SLC4A7: variants seen among roughly 807,000 people sequenced by gnomAD.
The protein encoded by SLC4A7 is sodium bicarbonate cotransporter 3.
A neutral mutation model predicts 137.6 loss-of-function variants in SLC4A7; 51 were observed. The observed-to-expected ratio is 0.37, with a 90% CI of 0.30 to 0.47. The LOEUF is 0.47. SLC4A7 is among the 20% of genes least tolerant of loss of function. The probability of loss-of-function intolerance (pLI) is 1.00; values close to 1 mark genes in which losing one functional copy is unlikely to be tolerated. For missense variants in SLC4A7, 1,247 were observed against 1,525.4 expected (o/e 0.82, Z 3.04); for synonymous variants, 542 against 518.6 (o/e 1.05, Z -0.61).
At chr3:27,451,973 G>A (rs1475585204) in intron 2 of SLC4A7, among the ~76,000 whole-genome samples, 1 of 152,042 alleles carries the variant, frequency 6.6e-6, no homozygotes, top group Non-Finnish European at 1.5e-5. Context: ...GAAGAAAGAT[G>A]GGCAAATAAC....
intron 11 of SLC4A7, among the ~76,000 whole-genome samples, chr3:27,413,464 A>C (rs148913240): frequency 7.8e-4 from 119 of 152,326 alleles, no homozygotes; most frequent in African/African-American, 2.7e-3. Flanking sequence ...ATGGCACAAA[A>C]ATCTATAAAC....
intron 22 of SLC4A7, among the ~76,000 whole-genome samples, chr3:27,387,206 G>C (rs2051056214): frequency 6.6e-6 from 1 of 152,134 alleles, no homozygotes; most frequent in Non-Finnish European, 1.5e-5. Context: ...CTCAATCCTA[G>C]CCAGGAATCC....
chr3:27,433,105 A>G (rs2056452556), intron 6 of SLC4A7: 1 of 152,162 alleles, frequency 6.6e-6, no homozygotes, highest in Admixed American at 6.5e-5. Flanking sequence ...TAGAACACTT[A>G]AAAGTCATAC....
intron 7 of SLC4A7, among the ~76,000 whole-genome samples, chr3:27,427,543 T>G (rs1340902986): frequency 3.9e-5 from 6 of 152,132 alleles, no homozygotes; most frequent in Non-Finnish European, 8.8e-5. Context: ...ATACCACTTT[T>G]TTATTATAGG....
At chr3:27,397,131 C>G (rs1206403303) in intron 18 of SLC4A7, among the ~76,000 whole-genome samples, 1 of 152,104 alleles carries the variant, frequency 6.6e-6, no homozygotes, top group Non-Finnish European at 1.5e-5. Context: ...TGGGTTCAAG[C>G]GATTCTCCTG....
intron 25 of SLC4A7, 120 bp downstream of exon 25, chr3:27,379,120 CATAATTATT>C: frequency 1.7e-6 from 1 of 576,930 alleles, no homozygotes; most frequent in East Asian, 2.9e-5. Flanking sequence ...AAGACAAAAA[CATAATTATT>C]ATTTATACCT....
chr3:27,397,426 C>T (rs1473457367), intron 18 of SLC4A7, among the ~76,000 whole-genome samples: 1 of 151,358 alleles, frequency 6.6e-6, no homozygotes, highest in Non-Finnish European at 1.5e-5. Flanking sequence ...TGGCTCCCTA[C>T]ATCTTACCAC....
At chr3:27,468,603 G>A (rs1489416344) in intron 1 of SLC4A7, among the ~76,000 whole-genome samples, 1 of 151,852 alleles carries the variant, frequency 6.6e-6, no homozygotes, top group African/African-American at 2.4e-5. Context: ...TAATAATATA[G>A]GTTCTAGATC....
At chr3:27,460,448 A>C (rs919424928) in intron 1 of SLC4A7, among the ~76,000 whole-genome samples, 2 of 152,242 alleles carry the variant, frequency 1.3e-5, no homozygotes, top group African/African-American at 4.8e-5. Flanking sequence ...CATATTAAAA[A>C]GCATCTGAAG....
Position 27,409,484 on chromosome 3 carries a change from A to G in SLC4A7, c.1813T>C (p.Phe605Leu). ...ILDIKRKAPF[F>L]LSDFKDALSL... is the part of the protein sequence containing the mutation. ...AATGCATCCTTGAAGTCACTCAAGA[A>G]AAAAGGTGCTTTCCTTTTGATGTCA... is the stretch of plus-strand genomic sequence containing the variant. Residue 605 changes from phenylalanine (F) to leucine (L), a missense_variant, in exon 13 of 26, where the codon TTC (phenylalanine) becomes CTC (leucine). Around this residue, in one of 6 missense-constraint regions of SLC4A7, gnomAD observed 499 missense variants for 664.2 expected, o/e 0.75. Coordinates refer to ENST00000454389, the MANE Select transcript of SLC4A7 (RefSeq NM_001321103.2). 2 of 1,613,668 alleles carry G rather than the reference A, an allele frequency of 1.2e-6. No individual in the cohort carries two copies. The highest frequency in any genetic ancestry group is 1.7e-6 in the Non-Finnish European group (2 of 1,179,808).
chr3:27,388,775 A>G (rs2051232538), intron 22 of SLC4A7, among the ~76,000 whole-genome samples: 1 of 152,158 alleles, frequency 6.6e-6, no homozygotes, highest in Non-Finnish European at 1.5e-5. Context: ...AATAAAAAAT[A>G]ATTCCATTCT....
In SLC4A7 at chr3:27,478,390, C is replaced by T. The variant is rs572541993; in HGVS notation, c.60+5677G>A. ...AAAATTAGCCGGGCGTGGTGGCGTG[C>T]GCCTGTAATTCCATCTACCTGGGAG... On this transcript the variant is annotated intron_variant, in intron 1 of 25. Coordinates refer to ENST00000454389, the MANE Select transcript of SLC4A7 (RefSeq NM_001321103.2). Among the ~76,000 whole-genome samples the T allele has an allele frequency of 2.1e-4, 31 of 150,762 alleles. No individual in the cohort carries two copies. The South Asian group carries it at 3.0e-3, about 14-fold the overall frequency.
chr3:27,393,708 G>A (rs1031761746), intron 20 of SLC4A7, among the ~76,000 whole-genome samples: 1 of 152,066 alleles, frequency 6.6e-6, no homozygotes, highest in African/African-American at 2.4e-5. Flanking sequence ...TGTTCCCAGA[G>A]GGTTTAAATT....
intron 1 of SLC4A7, among the ~76,000 whole-genome samples, chr3:27,461,521 T>A (rs2058693867): frequency 6.8e-6 from 1 of 147,508 alleles, no homozygotes; most frequent in Admixed American, 7.0e-5. Context: ...GTGATAATCC[T>A]ACAACTTTGG....
intron 2 of SLC4A7, among the ~76,000 whole-genome samples, chr3:27,449,905 T>C (rs2057949818): frequency 6.6e-6 from 1 of 152,252 alleles, no homozygotes. Context: ...GCCATCTTTA[T>C]ATGTGACTTG....
chr3:27,457,435 C>G (rs146585393), intron 1 of SLC4A7, among the ~76,000 whole-genome samples: 3 of 152,058 alleles, frequency 2.0e-5, no homozygotes, highest in African/African-American at 7.2e-5. Flanking sequence ...GTGATCTGCC[C>G]TTGGTTAAAG....
chr3:27,381,431 T>C (rs1054678007), intron 24 of SLC4A7, among the ~76,000 whole-genome samples: 6 of 152,232 alleles, frequency 3.9e-5, no homozygotes, highest in Admixed American at 6.5e-5. Flanking sequence ...CAAGTATTTC[T>C]AGAACCCAGC....
chr3:27,393,642 G>T (rs1484764752), intron 20 of SLC4A7, among the ~76,000 whole-genome samples: 3 of 152,122 alleles, frequency 2.0e-5, no homozygotes, highest in Non-Finnish European at 4.4e-5. Context: ...ACACTGCTTA[G>T]TCCTCACAAT....
intron 2 of SLC4A7, among the ~76,000 whole-genome samples, chr3:27,450,528 A>G (rs1268451216): frequency 6.6e-6 from 1 of 152,160 alleles, no homozygotes; most frequent in Non-Finnish European, 1.5e-5. Flanking sequence ...AGAAAAGTGG[A>G]AATTAAAGAG....
Sources: allele counts gnomAD v4.1 joint callset (sites outside exome capture counted in the v4.1 genomes callset), GRCh38; gene constraint gnomAD v4.1.1; regional missense constraint gnomAD v4.1.1; transcripts MANE v1.5; gene names NCBI Gene and HGNC (gene_info 2026-07-23, HGNC 2026-07-21).